The following LTBP1 variants were observed in gnomAD, a reference collection of about 807,000 sequenced individuals.
The protein encoded by LTBP1 is latent-transforming growth factor beta-binding protein 1.
Under a neutral mutation model 207.6 loss-of-function variants are expected in LTBP1, and 129 were observed. That is an observed-to-expected ratio of 0.62 (90% CI 0.54 to 0.72). The LOEUF (loss-of-function observed/expected upper bound fraction) is 0.72, where lower values mean the gene tolerates loss of function less well. LTBP1 is among the 30% of genes least tolerant of loss of function. The probability of loss-of-function intolerance (pLI) is 0.00; values close to 1 mark genes in which losing one functional copy is unlikely to be tolerated. For synonymous variants in LTBP1, 963 were observed against 833.7 expected, an observed-to-expected ratio of 1.16 and a Z score of -2.67; for missense variants, 2,281 against 2,217.2, an observed-to-expected ratio of 1.03 and a Z score of -0.58.
intron 31 of LTBP1, among the ~76,000 whole-genome samples, chr2:33,381,684 C>G (rs927391994): frequency 6.6e-6 from 1 of 152,144 alleles, no homozygotes. Context: ...TATTACTCTC[C>G]CTGGAATTTT....
intron 7 of LTBP1, among the ~76,000 whole-genome samples, chr2:33,199,025 T>C (rs2088895902): frequency 6.6e-6 from 1 of 152,188 alleles, no homozygotes. Flanking sequence ...TGCTTTCTCT[T>C]GTGGGCATTT....
At chr2:33,094,703 A>G (rs1221305421) in intron 3 of LTBP1, among the ~76,000 whole-genome samples, 4 of 152,182 alleles carry the variant, frequency 2.6e-5, no homozygotes, top group Non-Finnish European at 5.9e-5. Flanking sequence ...AGTGTGTTAG[A>G]GGTTACAGAT....
chr2:33,095,213 C>T (rs9678317), intron 3 of LTBP1, among the ~76,000 whole-genome samples: 15,104 of 152,080 alleles, frequency 0.099, 1,017 homozygotes, highest in Non-Finnish European at 0.15. Flanking sequence ...ATGACAATTA[C>T]AAACTCTGAA....
chr2:33,144,092 G>A (rs759298847), intron 5 of LTBP1, among the ~76,000 whole-genome samples: 2 of 151,756 alleles, frequency 1.3e-5, no homozygotes, highest in Non-Finnish European at 2.9e-5. Context: ...ACTCCATCTC[G>A]TGTGCTGTGG....
At chr2:32,963,695 A>G (rs1679500608) in intron 2 of LTBP1, among the ~76,000 whole-genome samples, 1 of 152,196 alleles carries the variant, frequency 6.6e-6, no homozygotes, top group Admixed American at 6.5e-5. Flanking sequence ...AGCCACATTT[A>G]TCAAGGTGTG....
chr2:32,994,935 AC>A (rs1685019694), intron 2 of LTBP1, among the ~76,000 whole-genome samples: 1 of 152,134 alleles, frequency 6.6e-6, no homozygotes, highest in Non-Finnish European at 1.5e-5. Context: ...TATGCCTATA[AC>A]CCCAATAACT....
intron 2 of LTBP1, among the ~76,000 whole-genome samples, chr2:33,000,859 G>T (rs867535980): frequency 2.2e-5 from 3 of 134,352 alleles, no homozygotes; most frequent in South Asian, 5.3e-4. Flanking sequence ...TTGACAGGAG[G>T]GGGGGTTCAA....
intron 5 of LTBP1, among the ~76,000 whole-genome samples, chr2:33,136,627 C>T (rs953193260): frequency 3.3e-5 from 5 of 152,118 alleles, no homozygotes. Context: ...TGCTCCTTTC[C>T]CTCCTTGTGT....
intron 24 of LTBP1, among the ~76,000 whole-genome samples, chr2:33,327,055 G>T (rs1028666074): frequency 5.9e-5 from 9 of 152,208 alleles, no homozygotes; most frequent in Non-Finnish European, 1.0e-4. Context: ...AAAACCATTT[G>T]CTGTTTATTT....
chr2:33,150,931 G>A (rs1439304900), intron 5 of LTBP1, among the ~76,000 whole-genome samples: 1 of 151,308 alleles, frequency 6.6e-6, no homozygotes, highest in South Asian at 2.1e-4. Flanking sequence ...GTAGAGGCAC[G>A]GTTTCACCAT....
intron 31 of LTBP1, among the ~76,000 whole-genome samples, chr2:33,388,746 G>T (rs1435704385): frequency 6.6e-6 from 1 of 152,142 alleles, no homozygotes; most frequent in Non-Finnish European, 1.5e-5. Context: ...GGACACCAGA[G>T]ATATATTTAT....
At chr2:32,987,433 C>T (rs1683766484) in intron 2 of LTBP1, among the ~76,000 whole-genome samples, 1 of 152,016 alleles carries the variant, frequency 6.6e-6, no homozygotes, top group African/African-American at 2.4e-5. Flanking sequence ...TCACTCTGGG[C>T]CAGGTTTTAG....
intron 2 of LTBP1, among the ~76,000 whole-genome samples, chr2:33,005,583 A>G (rs967285721): frequency 6.7e-6 from 1 of 149,260 alleles, no homozygotes; most frequent in East Asian, 2.0e-4. Flanking sequence ...GAGAGGGAAC[A>G]TAAGCTCTAC....
chr2:33,248,545 T>C (rs796134003), intron 10 of LTBP1, among the ~76,000 whole-genome samples: 38 of 152,110 alleles, frequency 2.5e-4, no homozygotes, highest in African/African-American at 8.7e-4. Context: ...GTAACTGCAA[T>C]GGCCTTGAAT....
rs142764084 is a variant in LTBP1 at position 32,977,775 on chromosome 2, G to T, written c.565+28830G>T. On this transcript the variant is annotated intron_variant, in intron 2 of 33. Coordinates refer to ENST00000404816, the MANE Select transcript of LTBP1 (RefSeq NM_206943.4). ...GTGTTGACTCCAGATAGGCTCCTGC[G>T]CAGCTTCACTCCTCTTTGCTCTCTG... 4.3e-4 allele frequency among the ~76,000 whole-genome samples: 66 copies of T among 152,270 alleles called. No homozygotes were observed. The East Asian group carries it at 0.012, about 27-fold the overall frequency.
chr2:33,397,180 C>G lies in LTBP1; in HGVS notation c.4882C>G (p.Leu1628Val). 1 of 1,614,138 alleles carries G rather than the reference C, an allele frequency of 6.2e-7. No homozygotes were observed. The highest frequency in any genetic ancestry group is 8.5e-7 in the Non-Finnish European group (1 of 1,180,010). Residue 1628 changes from leucine (L) to valine (V), a missense_variant, in exon 33 of 34, where the codon CTC becomes GTC. By Grantham distance (32) the Leu-to-Val change is conservative (BLOSUM62 1). Coordinates refer to ENST00000404816, the MANE Select transcript of LTBP1 (RefSeq NM_206943.4). Reference protein sequence around the residue: ...EELQAEECGILNGCENGRCVR... With the variant: ...EELQAEECGIVNGCENGRCVR... ...GTTACAGGCTGAGGAATGCGGCATC[C>G]TCAATGGATGTGAAAATGGTCGCTG...
chr2:33,048,869 T>G (rs2076580873), intron 3 of LTBP1, among the ~76,000 whole-genome samples: 2 of 152,356 alleles, frequency 1.3e-5, no homozygotes, highest in African/African-American at 4.8e-5. Flanking sequence ...AGCAGATATC[T>G]TAAAGGAACT....
intron 3 of LTBP1, among the ~76,000 whole-genome samples, chr2:33,035,624 A>G (rs2075884223): frequency 6.6e-6 from 1 of 152,256 alleles, no homozygotes; most frequent in Non-Finnish European, 1.5e-5. Flanking sequence ...GCAAAAGCAT[A>G]TCAAATCACT....
intron 4 of LTBP1, among the ~76,000 whole-genome samples, chr2:33,128,987 G>C (rs2081602979): frequency 6.6e-6 from 1 of 152,128 alleles, no homozygotes. Flanking sequence ...TTCTAGATGA[G>C]GGATTTCCAG....
Sources: gnomAD v4.1 joint callset for allele counts (sites outside exome capture counted in the v4.1 genomes callset) on GRCh38, gnomAD v4.1.1 for gene constraint, MANE v1.5 for transcripts, NCBI Gene and HGNC (gene_info 2026-07-23, HGNC 2026-07-21) for gene names.